QRFPR: variants seen among roughly 807,000 people sequenced by gnomAD.
QRFPR encodes the protein pyroglutamylated RFamide peptide receptor.
Under a neutral mutation model 31.3 loss-of-function variants are expected in QRFPR, and 37 were observed. The observed-to-expected ratio is 1.18, with a 90% CI of 0.91 to 1.56. The LOEUF (loss-of-function observed/expected upper bound fraction) is 1.56. Among genes scored for constraint, QRFPR ranks in the 40% most tolerant of loss-of-function variants. The probability of loss-of-function intolerance (pLI) is 0.00; values close to 1 mark genes in which losing one functional copy is unlikely to be tolerated. For missense variants in QRFPR, 542 were observed against 532.5 expected (o/e 1.02, Z -0.18); for synonymous variants, 197 against 192.0 (o/e 1.03, Z -0.22).
rs185359927 is a variant in QRFPR at position 121,366,318 on chromosome 4, G to A, written c.340+13990C>T. 2.0e-5 allele frequency among the ~76,000 whole-genome samples: 3 copies of A among 149,884 alleles called. 1 individual carries two copies. The highest frequency in any genetic ancestry group is 1.5e-5 in the Non-Finnish European group (1 of 67,536). ...CTACAAATTCCATTACTTTCTGTGA[G>A]CTCTCTAAAACATGATTTTGCCACT... is the stretch of plus-strand genomic sequence containing the variant. On this transcript the variant is annotated intron_variant, in intron 1 of 5. Transcript: ENST00000394427.
intron 1 of QRFPR, among the ~76,000 whole-genome samples, chr4:121,379,783 C>T (rs1267840821): frequency 6.6e-6 from 1 of 152,144 alleles, no homozygotes; most frequent in Admixed American, 6.5e-5. Context: ...GTTTTATGCT[C>T]ATAGGTACAA....
intron 1 of QRFPR, among the ~76,000 whole-genome samples, chr4:121,349,123 A>C (rs1169528265): frequency 1.3e-5 from 2 of 152,050 alleles, no homozygotes; most frequent in Admixed American, 1.3e-4. Context: ...AAAATAAAAT[A>C]AAATAAAATA....
rs1355649121 is a variant in QRFPR at position 121,333,051 on chromosome 4, T to C, written c.567A>G (p.Lys189=). The C allele has an allele frequency of 1.3e-6, 2 of 1,599,970 alleles. No homozygotes were observed. The highest frequency in any genetic ancestry group is 2.7e-5 in the African/African-American group (2 of 74,650). Reference sequence around the variant, plus strand: ...GTTCCTTTTCATATAGGAAGTCATATTTGATCTTCATAATAAGAATAATTC... The same window carrying C: ...GTTCCTTTTCATATAGGAAGTCATACTTGATCTTCATAATAAGAATAATTC... The part of the protein sequence containing the change: ...PMWHVQQLEI[K]YDFLYEKEHI... Residue 189 remains lysine (K), a synonymous_variant, in exon 4 of 6, where the codon AAA becomes AAG. Coordinates refer to ENST00000394427, the MANE Select transcript of QRFPR (RefSeq NM_198179.3).
intron 1 of QRFPR, among the ~76,000 whole-genome samples, chr4:121,358,831 A>G (rs1211083886): frequency 6.6e-6 from 1 of 152,228 alleles, no homozygotes; most frequent in Non-Finnish European, 1.5e-5. Context: ...CACTGTAGGA[A>G]CATTTCTTGA....
chr4:121,333,201 T>C (rs1285393304), intron 3 of QRFPR, 145 bp from the exon 4 acceptor site: 3 of 605,436 alleles, frequency 5.0e-6, no homozygotes, highest in Non-Finnish European at 8.7e-6. Flanking sequence ...CATTTTTAAT[T>C]GTTCTTTTGT....
intron 2 of QRFPR, 72 bp downstream of exon 2, chr4:121,340,380 T>TA: frequency 6.5e-7 from 1 of 1,527,698 alleles, no homozygotes; most frequent in East Asian, 2.3e-5. Flanking sequence ...TCTTCTAGTT[T>TA]AAAAATATGG....
chr4:121,365,573 A>ATT (rs1560743820), intron 1 of QRFPR, among the ~76,000 whole-genome samples: 704 of 7,038 alleles, frequency 0.1, 69 homozygotes, highest in African/African-American at 0.16. Context: ...TATTATATAT[A>ATT]ATATATATTA....
At chr4:121,360,559 A>G (rs981143876) in intron 1 of QRFPR, among the ~76,000 whole-genome samples, 2 of 152,124 alleles carry the variant, frequency 1.3e-5, no homozygotes, top group East Asian at 1.9e-4. Context: ...TTTGACCATG[A>G]TCATCTCACA....
intron 1 of QRFPR, chr4:121,369,484 C>G: frequency 8.3e-7 from 1 of 1,210,668 alleles, no homozygotes; most frequent in East Asian, 2.3e-5. Flanking sequence ...GATTATGTGC[C>G]CGTGGTGGCT....
At chr4:121,331,373 G>A (rs955368943) in intron 4 of QRFPR, among the ~76,000 whole-genome samples, 1 of 150,288 alleles carries the variant, frequency 6.7e-6, no homozygotes, top group Non-Finnish European at 1.5e-5. Flanking sequence ...TTGTAGAGAC[G>A]GGGTCTCACT....
chr4:121,378,416 T>A (rs990700231), intron 1 of QRFPR, among the ~76,000 whole-genome samples: 1 of 146,508 alleles, frequency 6.8e-6, no homozygotes, highest in African/African-American at 2.5e-5. Context: ...ACTTTTTTTT[T>A]TTTTTTTTTT....
Position 121,336,844 on chromosome 4 carries a change from A to C in QRFPR, c.524T>G (p.Ile175Ser). The change falls in exon 3 of 6, where the codon ATC (isoleucine) becomes AGC (serine). Residue 175 changes from isoleucine to serine, a missense_variant. Physicochemically the swap from Ile to Ser is moderately radical, Grantham distance 142. Coordinates refer to ENST00000394427, the MANE Select transcript of QRFPR (RefSeq NM_198179.3). ...MLGVVWLVAVIVGSPMWHVQQ... is the reference protein window; with the variant it reads ...MLGVVWLVAVSVGSPMWHVQQ... ...CACGTGCCACATGGGTGATCCTACG[A>C]TGACTGCCACCAGCCAGACCACACC... 6.2e-7 allele frequency: 1 copy of C among 1,614,094 alleles called. No individual in the cohort carries two copies. Among genetic ancestry groups the C allele is most frequent in the Middle Eastern group, 1.6e-4 (1 of 6,062 alleles).
chr4:121,372,776 A>C (rs1726276248), intron 1 of QRFPR, among the ~76,000 whole-genome samples: 1 of 152,208 alleles, frequency 6.6e-6, no homozygotes, highest in African/African-American at 2.4e-5. Context: ...TTCATGCCTG[A>C]GTGATATTCC....
chr4:121,331,912 C>G (rs1470825724), intron 4 of QRFPR, among the ~76,000 whole-genome samples: 4 of 152,288 alleles, frequency 2.6e-5, no homozygotes, highest in African/African-American at 9.6e-5. Context: ...CTCGGCCCCC[C>G]AAATTGCTAT....
chr4:121,340,108 C>CAAAA (rs58311512), intron 2 of QRFPR: 2,094 of 131,336 alleles, frequency 0.016, 151 homozygotes, highest in East Asian at 0.071. Flanking sequence ...CACTCTGTCT[C>CAAAA]AAAAAAAAAA....
intron 2 of QRFPR, among the ~76,000 whole-genome samples, chr4:121,337,702 C>A (rs1228094338): frequency 6.6e-6 from 1 of 151,904 alleles, no homozygotes; most frequent in Non-Finnish European, 1.5e-5. Context: ...GCACATGTAC[C>A]CTAAAACTTA....
intron 2 of QRFPR, among the ~76,000 whole-genome samples, chr4:121,338,042 G>T (rs1474323081): frequency 1.3e-5 from 2 of 151,938 alleles, no homozygotes; most frequent in South Asian, 4.2e-4. Flanking sequence ...CCATAATTGG[G>T]GTTTATTATA....
At chr4:121,369,541 G>A in intron 1 of QRFPR, 2 of 1,600,056 alleles carry the variant, frequency 1.2e-6, no homozygotes, top group Non-Finnish European at 1.7e-6. Context: ...GTGGCTTCAA[G>A]GCTGCTGGAT....
chr4:121,346,251 C>G (rs1725646781), intron 1 of QRFPR, among the ~76,000 whole-genome samples: 1 of 152,226 alleles, frequency 6.6e-6, no homozygotes, highest in African/African-American at 2.4e-5. Flanking sequence ...TCTATGCGCC[C>G]TTGTCCCAAT....
Sources: gnomAD v4.1 joint callset for allele counts (sites outside exome capture counted in the v4.1 genomes callset) on GRCh38, gnomAD v4.1.1 for gene constraint, MANE v1.5 for transcripts, NCBI Gene and HGNC (gene_info 2026-07-23, HGNC 2026-07-21) for gene names.